MAP1B: variants seen among roughly 807,000 people sequenced by gnomAD.
MAP1B encodes microtubule associated protein 1B, also known as microtubule-associated protein 1B.
In MAP1B, 12 loss-of-function variants were observed where a neutral mutation model predicts 176.1. The observed-to-expected ratio is 0.07, with a 90% CI of 0.04 to 0.11. MAP1B has a LOEUF of 0.11. MAP1B is among the 10% of genes least tolerant of loss of function. The pLI, the probability that MAP1B is intolerant of heterozygous loss-of-function variation, is 1.00. For missense variants in MAP1B, 2,523 were observed against 2,990.5 expected (o/e 0.84, Z 3.65); for synonymous variants, 1,044 against 1,135.0 (o/e 0.92, Z 1.61).
At chr5:72,168,800 G>A (rs1308290321) in intron 2 of MAP1B, among the ~76,000 whole-genome samples, 2 of 152,180 alleles carry the variant, frequency 1.3e-5, no homozygotes, top group Non-Finnish European at 2.9e-5. Context: ...ACGTCTGTTG[G>A]TTCAGAGTAC....
Position 72,199,679 on chromosome 5 carries a change from G to A in MAP1B, c.6324G>A (p.Glu2108=). ...SPSFINPNPL[E]WFASEEPTEE... is the part of the protein sequence containing the mutation. ...CTTTCATTAATCCCAATCCTCTTGA[G>A]TGGTTTGCCAGTGAAGAACCCACTG... The change falls in exon 5 of 7, where the codon GAG becomes GAA. Residue 2108 remains glutamate, a synonymous_variant. Coordinates refer to ENST00000296755, the MANE Select transcript of MAP1B (RefSeq NM_005909.5). This position sits in a 1 kb window ranked among gnomAD's most constrained non-coding sequence, Gnocchi z 4.2. 6.2e-7 allele frequency: 1 copy of A among 1,614,146 alleles called. No individual in the cohort carries two copies. The highest frequency in any genetic ancestry group is 8.5e-7 in the Non-Finnish European group (1 of 1,180,032).
At chr5:72,114,380 T>A (rs1221353584) in intron 1 of MAP1B, among the ~76,000 whole-genome samples, 1 of 152,226 alleles carries the variant, frequency 6.6e-6, no homozygotes, top group Admixed American at 6.5e-5. Flanking sequence ...ACATGACTAA[T>A]GTCCAACAAA....
intron 2 of MAP1B, among the ~76,000 whole-genome samples, chr5:72,175,516 ACTT>A (rs1359432873): frequency 6.6e-6 from 1 of 152,118 alleles, no homozygotes; most frequent in African/African-American, 2.4e-5. Flanking sequence ...ATTTATTTCT[ACTT>A]CTTTCAGCCA....
intron 2 of MAP1B, among the ~76,000 whole-genome samples, chr5:72,178,585 G>A (rs1746697685): frequency 6.6e-6 from 1 of 152,164 alleles, no homozygotes; most frequent in Non-Finnish European, 1.5e-5. Context: ...CCCATGCCCT[G>A]CCCCTCAGTC....
At chr5:72,123,997 T>C (rs1337321697) in intron 2 of MAP1B, among the ~76,000 whole-genome samples, 2 of 152,262 alleles carry the variant, frequency 1.3e-5, no homozygotes, top group Non-Finnish European at 2.9e-5. Context: ...AGTGTGTGTG[T>C]CTAATTCCTA....
In MAP1B at chr5:72,163,916, CT is replaced by C. The variant is rs796802217; in HGVS notation, c.287-19814del. 5.3e-3 allele frequency among the ~76,000 whole-genome samples: 510 copies of C among 97,102 alleles called. 12 individuals carry two copies. Among genetic ancestry groups the C allele is most frequent in the African/African-American group, 0.018 (438 of 24,262 alleles). 63.7% of individuals were successfully genotyped at this position (97,102 alleles called of 152,430 possible). On this transcript the variant is annotated intron_variant, in intron 2 of 6. Coordinates refer to ENST00000296755, the MANE Select transcript of MAP1B (RefSeq NM_005909.5). Reference sequence around the variant, plus strand: ...TTCTTTTCTTTCTTTCTCTCTCTCTCTTTTTTTTTTTTTCTTTTTTTTTTTT... The same window carrying C: ...TTCTTTTCTTTCTTTCTCTCTCTCTCTTTTTTTTTTTTCTTTTTTTTTTTT...
chr5:72,179,742 A>T (rs1198456689), intron 2 of MAP1B: 1 of 985,452 alleles, frequency 1.0e-6, no homozygotes, highest in African/African-American at 1.7e-5. Flanking sequence ...CCCCTCCTTC[A>T]TTCAAATCCG....
At chr5:72,117,028 C>T (rs1238426722) in intron 2 of MAP1B, among the ~76,000 whole-genome samples, 1 of 151,884 alleles carries the variant, frequency 6.6e-6, no homozygotes, top group African/African-American at 2.4e-5. Context: ...TATTGAAATG[C>T]ATTGTAGCTT....
chr5:72,122,279 C>T (rs1029805230), intron 2 of MAP1B, among the ~76,000 whole-genome samples: 3 of 151,976 alleles, frequency 2.0e-5, no homozygotes, highest in Admixed American at 6.6e-5. Context: ...TCATGCTGTC[C>T]GCTCTCACCC....
intron 2 of MAP1B, among the ~76,000 whole-genome samples, chr5:72,133,081 A>G (rs1446931002): frequency 6.6e-6 from 1 of 152,204 alleles, no homozygotes; most frequent in Non-Finnish European, 1.5e-5. Context: ...CTGAGCAGCC[A>G]TGCATCTGGC....
rs796802217 is a variant in MAP1B at position 72,163,916 on chromosome 5, C to CT, written c.287-19814dup. The stretch of plus-strand genomic sequence containing the variant: ...TTCTTTTCTTTCTTTCTCTCTCTCT[C>CT]TTTTTTTTTTTTTCTTTTTTTTTTT... On this transcript the variant is annotated intron_variant, in intron 2 of 6. Transcript: ENST00000296755. Among the ~76,000 whole-genome samples, 258 of 97,060 alleles carry CT rather than the reference C, an allele frequency of 2.7e-3. 1 individual carries two copies. Among genetic ancestry groups the CT allele is most frequent in the East Asian group, 3.6e-3 (12 of 3,342 alleles). 63.7% of individuals were successfully genotyped at this position (97,060 alleles called of 152,430 possible). A position where few individuals can be genotyped will look rare whatever the true frequency, so the allele number is the denominator to read the frequency against.
chr5:72,116,089 A>G (rs1745432977), intron 2 of MAP1B: 1 of 341,100 alleles, frequency 2.9e-6, no homozygotes, highest in African/African-American at 2.1e-5. Flanking sequence ...TTGAATTGAT[A>G]TCCAGGGCTT....
chr5:72,145,870 C>T (rs1344431701), intron 2 of MAP1B, among the ~76,000 whole-genome samples: 1 of 152,200 alleles, frequency 6.6e-6, no homozygotes, highest in African/African-American at 2.4e-5. Flanking sequence ...CATATTGTTC[C>T]ACGTGGGTTC....
intron 2 of MAP1B, among the ~76,000 whole-genome samples, chr5:72,167,059 C>CTTTTTT: frequency 6.7e-6 from 1 of 149,096 alleles, no homozygotes; most frequent in Non-Finnish European, 1.5e-5. Flanking sequence ...GGTGAGAAAG[C>CTTTTTT]TCTGAAACCA....
Position 72,207,278 on chromosome 5 carries a change from C to T in MAP1B, c.*2039C>T, listed in dbSNP as rs1183958434. ...CATTTCCTGCAGACTCTAAGATCTA[C>T]GGAGTAGAGAACAATGACCTCATTT... On this transcript the variant is annotated 3_prime_UTR_variant, in exon 7 of 7. Transcript: ENST00000296755. 2 of 152,062 alleles carry T rather than the reference C, an allele frequency of 1.3e-5. No individual in the cohort carries two copies. The highest frequency in any genetic ancestry group is 4.8e-5 in the African/African-American group (2 of 41,396). The allele number at this position is 152,062 out of a possible 1,614,324, so 9.4% of individuals were successfully genotyped here.
In MAP1B at chr5:72,199,085, G is replaced by T. The variant is rs1386583678; in HGVS notation, c.5730G>T (p.Glu1910Asp). Reference sequence around the variant, plus strand: ...GTGGCTATTACTATGAGAAGATAGAGAGAACCACAAAATCTCCAAGTGACA... The same window carrying T: ...GTGGCTATTACTATGAGAAGATAGATAGAACCACAAAATCTCCAAGTGACA... Reference protein sequence around the residue: ...DVGGYYYEKIERTTKSPSDSG... With the variant: ...DVGGYYYEKIDRTTKSPSDSG... The change falls in exon 5 of 7, where the codon GAG (glutamate) becomes GAT (aspartate). Residue 1910 changes from glutamate (E) to aspartate (D), a missense_variant. By Grantham distance (45) the Glu-to-Asp change is conservative. Around this residue, in one of 4 missense-constraint regions of MAP1B, gnomAD observed 1,925 missense variants for 2,126.0 expected, o/e 0.91. Coordinates refer to ENST00000296755, the MANE Select transcript of MAP1B (RefSeq NM_005909.5). The surrounding 1 kb of genome is among the most constrained non-coding windows in gnomAD (Gnocchi z 4.2). 3 of 1,613,948 alleles carry T rather than the reference G, an allele frequency of 1.9e-6. No individual in the cohort carries two copies. In the East Asian group the frequency reaches 6.7e-5, roughly 36 times the overall value.
chr5:72,165,663 T>C (rs1041722929), intron 2 of MAP1B, among the ~76,000 whole-genome samples: 3 of 152,170 alleles, frequency 2.0e-5, no homozygotes, highest in East Asian at 3.8e-4. Flanking sequence ...TTAGTTCACT[T>C]AGCCATTTAT....
intron 2 of MAP1B, among the ~76,000 whole-genome samples, chr5:72,119,269 A>G (rs556034826): frequency 2.6e-5 from 4 of 152,252 alleles, no homozygotes; most frequent in South Asian, 2.1e-4. Context: ...TTGCCTTACT[A>G]TTGCAGCCTT....
Position 72,107,730 on chromosome 5 carries a change from G to A in MAP1B, c.184+15G>A, listed in dbSNP as rs760272287. 6.9e-6 allele frequency: 11 copies of A among 1,597,618 alleles called. No homozygotes were observed. Among genetic ancestry groups the A allele is most frequent in the South Asian group, 1.1e-5 (1 of 90,862 alleles). On this transcript the variant is annotated intron_variant, in intron 1 of 6. Transcript: ENST00000296755. ...CATCGAGCTCGGTAAGTGGCCCCGC[G>A]CCCCCAGAGACGCGCGCTGGGAGAC...
Sources: gnomAD v4.1 joint callset for allele counts (sites outside exome capture counted in the v4.1 genomes callset) on GRCh38, gnomAD v4.1.1 for gene constraint, gnomAD v4.1.1 regional missense constraint, Gnocchi (gnomAD v3.1) non-coding constraint, MANE v1.5 for transcripts, NCBI Gene and HGNC (gene_info 2026-07-23, HGNC 2026-07-21) for gene names.